POLR3B: variants seen among roughly 807,000 people sequenced by gnomAD.
POLR3B encodes RNA polymerase III subunit B.
Under a neutral mutation model 147.4 loss-of-function variants are expected in POLR3B, and 96 were observed. The observed-to-expected ratio is 0.65, with a 90% confidence interval of 0.55 to 0.77. POLR3B has a LOEUF of 0.77. Among genes scored for constraint, POLR3B ranks in the 30% least tolerant of loss-of-function variants. POLR3B has a pLI of 0.00. For synonymous variants in POLR3B, 461 were observed against 485.9 expected (o/e 0.95, Z 0.67); for missense variants, 1,036 against 1,413.5 (o/e 0.73, Z 4.28).
chr12:106,427,200 T>G lies in POLR3B; in HGVS notation c.1105T>G (p.Leu369Val). 1 of 1,553,462 alleles carries G rather than the reference T, an allele frequency of 6.4e-7. No homozygotes were observed. The highest frequency in any genetic ancestry group is 8.8e-7 in the Non-Finnish European group (1 of 1,134,256). The stretch of plus-strand genomic sequence containing the variant: ...ATACCTTTTTTTTTTTTTTTAGCTT[T>G]TATCTCTTCTTTTTGAAGACTTGTT... ...NKRLELAGQL[L>V]SLLFEDLFKK... Residue 369 changes from leucine (L) to valine (V), a missense_variant, in exon 13 of 28, where the codon TTA becomes GTA. Physicochemically the swap from Leu to Val is conservative, Grantham distance 32. Coordinates refer to ENST00000228347, the MANE Select transcript of POLR3B (RefSeq NM_018082.6).
At chr12:106,448,093 G>A (rs2037746042) in intron 19 of POLR3B, among the ~76,000 whole-genome samples, 1 of 151,882 alleles carries the variant, frequency 6.6e-6, no homozygotes, top group Admixed American at 6.6e-5. Context: ...CCGTTTAAGG[G>A]TACAAAATGC....
chr12:106,444,678 T>C lies in POLR3B; in HGVS notation c.2083+88T>C, dbSNP rs34234806. The C allele has an allele frequency of 4.5e-3, 6,356 of 1,411,988 alleles. 47 individuals carry two copies. Among genetic ancestry groups the C allele is most frequent in the South Asian group, 0.012 (1,025 of 83,626 alleles). 87.5% of individuals were successfully genotyped at this position (1,411,988 alleles called of 1,614,324 possible). On this transcript the variant is annotated intron_variant, in intron 19 of 27. Transcript: ENST00000228347. The stretch of plus-strand genomic sequence containing the variant: ...CATCTTTATTCCTGCTTCACCAGTA[T>C]TATATGTTCCCAACCAGGCACTGGG...
rs147115704 is a variant in POLR3B at position 106,446,615 on chromosome 12, T to C, written c.2083+2025T>C. ...GTTTTGAGTGTCATTTGCAATTCATTGTCTGTGTTTTCTGAGGTTGGTGTA... is the reference window on the plus strand; with the variant it reads ...GTTTTGAGTGTCATTTGCAATTCATCGTCTGTGTTTTCTGAGGTTGGTGTA... On this transcript the variant is annotated intron_variant, in intron 19 of 27. Coordinates refer to ENST00000228347, the MANE Select transcript of POLR3B (RefSeq NM_018082.6). Among the ~76,000 whole-genome samples, 145 of 152,260 alleles carry C rather than the reference T, an allele frequency of 9.5e-4. 3 individuals carry two copies. The East Asian group carries it at 0.025, about 26-fold the overall frequency.
intron 10 of POLR3B, among the ~76,000 whole-genome samples, chr12:106,404,254 C>T (rs1207067321): frequency 6.6e-6 from 1 of 152,010 alleles, no homozygotes; most frequent in Admixed American, 6.5e-5. Context: ...CGATGCCCGG[C>T]TAATCTTTTT....
rs554719842 is a variant in POLR3B, at chr12:106,481,328, A to G, written c.2714-14727A>G. 2.6e-5 allele frequency among the ~76,000 whole-genome samples: 4 copies of G among 152,330 alleles called. No homozygotes were observed. The East Asian group carries it at 5.8e-4, about 22-fold the overall frequency. Reference sequence around the variant, plus strand: ...GGCTGGAAAAGCATAACGATGAGGAATTGGTGAGAAGGGATCAGAGTCTGG... The same window carrying G: ...GGCTGGAAAAGCATAACGATGAGGAGTTGGTGAGAAGGGATCAGAGTCTGG... On this transcript the variant is annotated intron_variant, in intron 23 of 27. Transcript: ENST00000228347.
At chr12:106,360,953 G>C (rs1471214789) in intron 1 of POLR3B, among the ~76,000 whole-genome samples, 1 of 152,232 alleles carries the variant, frequency 6.6e-6, no homozygotes, top group Non-Finnish European at 1.5e-5. Flanking sequence ...CCTGAACTGA[G>C]TTTGCCAGAT....
chr12:106,470,027 T>C (rs1272748150), intron 23 of POLR3B, among the ~76,000 whole-genome samples: 2 of 152,252 alleles, frequency 1.3e-5, no homozygotes, highest in Non-Finnish European at 2.9e-5. Context: ...TTCTCCTGGA[T>C]AATATCCTGA....
chr12:106,420,331 T>C (rs183096039), intron 12 of POLR3B, among the ~76,000 whole-genome samples: 2,589 of 152,266 alleles, frequency 0.017, 43 homozygotes, highest in South Asian at 0.069. Context: ...CTCTCCTTTA[T>C]GGAATTCCCC....
At chr12:106,491,799 A>G (rs532966712) in intron 23 of POLR3B, among the ~76,000 whole-genome samples, 23 of 152,282 alleles carry the variant, frequency 1.5e-4, no homozygotes, top group African/African-American at 4.8e-4. Flanking sequence ...CTGAACCTCT[A>G]CTTCCCCAGC....
At chr12:106,477,891 C>CCCT (rs1565909279) in intron 23 of POLR3B, among the ~76,000 whole-genome samples, 2 of 70,478 alleles carry the variant, frequency 2.8e-5, no homozygotes, top group Admixed American at 2.3e-4. Context: ...GGCTCCTCCC[C>CCCT]TTTTTTTTTT....
At chr12:106,459,633 G>A (rs1181675493) in intron 22 of POLR3B, among the ~76,000 whole-genome samples, 1 of 152,208 alleles carries the variant, frequency 6.6e-6, no homozygotes, top group Non-Finnish European at 1.5e-5. Context: ...TGGCATAAAA[G>A]TGCCTGGGTT....
chr12:106,433,783 A>G lies in POLR3B; in HGVS notation c.1692A>G (p.Arg564=), dbSNP rs911948157. 3.1e-6 allele frequency: 5 copies of G among 1,613,102 alleles called. No individual in the cohort carries two copies. Among genetic ancestry groups the G allele is most frequent in the East Asian group, 4.5e-5 (2 of 44,858 alleles). The change falls in exon 16 of 28, where the codon AGA becomes AGG. Residue 564 remains arginine, a synonymous_variant. Coordinates refer to ENST00000228347, the MANE Select transcript of POLR3B (RefSeq NM_018082.6). ...TGAATACATTTCGACTCATGAGAAG[A>G]GCAGGATATATCAATGAATTTGTTT... ...KLVNTFRLMR[R]AGYINEFVSI... is the part of the protein sequence containing the mutation.
At chr12:106,432,783 G>A (rs750951701) in intron 15 of POLR3B, among the ~76,000 whole-genome samples, 7 of 152,140 alleles carry the variant, frequency 4.6e-5, no homozygotes, top group Non-Finnish European at 7.3e-5. Context: ...GTATCTTTAA[G>A]TACAAGTCAA....
At chr12:106,427,445 C>A in intron 13 of POLR3B, 87 bp downstream of exon 13, 1 of 1,175,808 alleles carries the variant, frequency 8.5e-7, no homozygotes, top group Non-Finnish European at 1.3e-6. Context: ...TTTGAGAATC[C>A]AGGTGAAATA....
At chr12:106,361,209 C>T (rs528044976) in intron 1 of POLR3B, among the ~76,000 whole-genome samples, 3 of 152,082 alleles carry the variant, frequency 2.0e-5, no homozygotes, top group Admixed American at 2.0e-4. Flanking sequence ...GAAGTATTGC[C>T]GCAGACCAGC....
intron 23 of POLR3B, among the ~76,000 whole-genome samples, chr12:106,480,106 G>T (rs903415391): frequency 1.3e-5 from 2 of 151,842 alleles, no homozygotes; most frequent in Middle Eastern, 3.2e-3. Flanking sequence ...ACCTGCCTCA[G>T]CTTCCCAAAA....
intron 10 of POLR3B, among the ~76,000 whole-genome samples, chr12:106,402,828 A>G (rs918133629): frequency 2.3e-4 from 35 of 152,246 alleles, no homozygotes; most frequent in African/African-American, 8.4e-4. Flanking sequence ...TTAAAGACTT[A>G]CATGTTAGAC....
At chr12:106,486,601 T>C (rs899877816) in intron 23 of POLR3B, among the ~76,000 whole-genome samples, 1 of 152,170 alleles carries the variant, frequency 6.6e-6, no homozygotes, top group African/African-American at 2.4e-5. Flanking sequence ...CTTCTCAAAA[T>C]TCCCATTCTT....
intron 4 of POLR3B, among the ~76,000 whole-genome samples, chr12:106,367,068 A>C (rs1565873463): frequency 6.6e-6 from 1 of 152,162 alleles, no homozygotes; most frequent in Non-Finnish European, 1.5e-5. Flanking sequence ...GTGCCACTGC[A>C]CTCTATCTTT....
Sources: allele counts gnomAD v4.1 joint callset (sites outside exome capture counted in the v4.1 genomes callset), GRCh38; gene constraint gnomAD v4.1.1; transcripts MANE v1.5; gene names NCBI Gene and HGNC (gene_info 2026-07-23, HGNC 2026-07-21).